The following PCDHA4 variants were observed in gnomAD, a reference collection of about 807,000 sequenced individuals.
PCDHA4 encodes the protein protocadherin alpha 4, also known as protocadherin alpha-4.
PCDHA4 carries 49 observed loss-of-function variants against 61.4 expected under a neutral mutation model. The observed-to-expected ratio is 0.80, with a 90% CI of 0.63 to 1.01. The LOEUF (loss-of-function observed/expected upper bound fraction) is 1.01. PCDHA4 is among the 50% of genes least tolerant of loss of function. The pLI, the probability that PCDHA4 is intolerant of heterozygous loss-of-function variation, is 0.00. For synonymous variants in PCDHA4, 590 were observed against 550.3 expected (o/e 1.07, Z -1.01); for missense variants, 1,254 against 1,235.8 (o/e 1.01, Z -0.22).
At chr5:140,869,920 G>A (rs1554163605) in intron 1 of PCDHA4, 2 of 1,611,398 alleles carry the variant, frequency 1.2e-6, no homozygotes, top group Non-Finnish European at 1.7e-6. Flanking sequence ...AGACGAAGGA[G>A]TCAATGGAGA....
intron 2 of PCDHA4, chr5:140,982,263 C>A: frequency 1.2e-6 from 1 of 858,968 alleles, no homozygotes; most frequent in Non-Finnish European, 1.7e-6. Flanking sequence ...ATGTGTGTTC[C>A]TGGAATAGTA....
At chr5:140,822,914 C>A (rs2150120305) in intron 1 of PCDHA4, 1 of 1,614,246 alleles carries the variant, frequency 6.2e-7, no homozygotes, top group Non-Finnish European at 8.5e-7. Context: ...GACTCAGGTG[C>A]CAACGGGCAG....
rs782007386 is a variant in PCDHA4 at position 140,856,148 on chromosome 5, G to A, written c.2385+46576G>A. 6.9e-6 allele frequency: 11 copies of A among 1,598,220 alleles called. No homozygotes were observed. In the East Asian group the frequency reaches 2.0e-4, roughly 29 times the overall value. ...GGGGAGCGGCCAGCTCCACTACTCA[G>A]TCTACGAGGAGGCCAGACACGGCAC... On this transcript the variant is annotated intron_variant, in intron 1 of 3. Transcript: ENST00000530339.
intron 1 of PCDHA4, among the ~76,000 whole-genome samples, chr5:140,922,137 T>A (rs1235551628): frequency 2.0e-5 from 3 of 151,994 alleles, no homozygotes; most frequent in African/African-American, 7.3e-5. Context: ...TCTCTTATCC[T>A]CCATGAAACT....
intron 3 of PCDHA4, among the ~76,000 whole-genome samples, chr5:140,993,152 C>A (rs932484139): frequency 2.6e-4 from 39 of 152,142 alleles, no homozygotes; most frequent in African/African-American, 9.2e-4. Context: ...TAAATGGATT[C>A]TAAATATTTG....
chr5:140,910,708 A>G (rs1227801513), intron 1 of PCDHA4, among the ~76,000 whole-genome samples: 2 of 152,164 alleles, frequency 1.3e-5, no homozygotes, highest in African/African-American at 4.8e-5. Context: ...ACAGTGGGCC[A>G]TCTTTTAATC....
chr5:140,842,431 C>T (rs2150335989), intron 1 of PCDHA4: 4 of 1,613,646 alleles, frequency 2.5e-6, no homozygotes, highest in Non-Finnish European at 3.4e-6. Context: ...CTGTCATCGC[C>T]CTAATTAGCG....
intron 1 of PCDHA4, among the ~76,000 whole-genome samples, chr5:140,819,386 C>T (rs1766549033): frequency 6.6e-6 from 1 of 152,040 alleles, no homozygotes. Context: ...TTTCTAAAGG[C>T]TTTTAGTGAA....
chr5:140,869,180 T>C (rs782798909), intron 1 of PCDHA4: 1 of 1,613,322 alleles, frequency 6.2e-7, no homozygotes, highest in Admixed American at 1.7e-5. Flanking sequence ...TTCTGGGAGG[T>C]GGGGAGCGGC....
At chr5:140,848,867 G>A in intron 1 of PCDHA4, 1 of 1,590,766 alleles carries the variant, frequency 6.3e-7, no homozygotes, top group Non-Finnish European at 8.6e-7. Context: ...TGGAGGTGAA[G>A]GACATTAACG....
Position 140,849,058 on chromosome 5 carries a change from A to T in PCDHA4, c.2385+39486A>T, listed in dbSNP as rs1222593356. 1.9e-6 allele frequency: 3 copies of T among 1,550,796 alleles called. No homozygotes were observed. In the African/African-American group the frequency reaches 4.5e-5, roughly 23 times the overall value. ...CTGGACGTGCCAACCAGCAACCAGC[A>T]GGTAAAACCTCTTGGACTTGTATTA... On this transcript the variant is annotated intron_variant, in intron 1 of 3. Coordinates refer to ENST00000530339, the MANE Select transcript of PCDHA4 (RefSeq NM_018907.4).
In PCDHA4 at chr5:140,807,109, C is replaced by A; in HGVS notation, c.-79C>A. ...GTCTGAAATATGGAGGATGCAGCTGCACTTGACTGACCGATTAAAAGATTT... is the reference window on the plus strand; with the variant it reads ...GTCTGAAATATGGAGGATGCAGCTGAACTTGACTGACCGATTAAAAGATTT... On this transcript the variant is annotated 5_prime_UTR_variant, in exon 1 of 4. Transcript: ENST00000530339. 2 of 1,483,570 alleles carry A rather than the reference C, an allele frequency of 1.3e-6. No individual in the cohort carries two copies. The highest frequency in any genetic ancestry group is 1.4e-5 in the African/African-American group (1 of 72,022). 91.9% of individuals were successfully genotyped at this position (1,483,570 alleles called of 1,614,324 possible).
intron 3 of PCDHA4, among the ~76,000 whole-genome samples, chr5:141,000,278 G>A (rs574420053): frequency 6.6e-6 from 1 of 151,194 alleles, no homozygotes; most frequent in South Asian, 2.1e-4. Flanking sequence ...GGGAGGCAGA[G>A]GTGGGAATAT....
chr5:140,921,941 A>G (rs1294349868), intron 1 of PCDHA4, among the ~76,000 whole-genome samples: 1 of 152,068 alleles, frequency 6.6e-6, no homozygotes, highest in Non-Finnish European at 1.5e-5. Context: ...ATAATTTTAC[A>G]CTTGTAAAAT....
chr5:140,946,936 A>T (rs1344601116), intron 1 of PCDHA4, among the ~76,000 whole-genome samples: 1 of 151,482 alleles, frequency 6.6e-6, no homozygotes, highest in Non-Finnish European at 1.5e-5. Context: ...AGTAGAGTGT[A>T]GTTAAGAATA....
intron 1 of PCDHA4, among the ~76,000 whole-genome samples, chr5:140,931,177 A>G (rs1288307941): frequency 1.3e-5 from 2 of 152,200 alleles, no homozygotes; most frequent in African/African-American, 4.8e-5. Context: ...ATTTTAGGGA[A>G]GGAAATTGGT....
At chr5:140,885,012 G>A (rs73793512) in intron 1 of PCDHA4, among the ~76,000 whole-genome samples, 2,131 of 152,234 alleles carry the variant, frequency 0.014, 45 homozygotes, top group African/African-American at 0.049. Flanking sequence ...GAGGCTAATC[G>A]TAATCTTAAA....
intron 3 of PCDHA4, among the ~76,000 whole-genome samples, chr5:140,999,049 A>C (rs962383659): frequency 1.3e-5 from 2 of 152,214 alleles, no homozygotes; most frequent in African/African-American, 4.8e-5. Flanking sequence ...TGTGCTTTCC[A>C]CCATGCCTAA....
chr5:140,834,530 G>C, intron 1 of PCDHA4: 1 of 1,614,068 alleles, frequency 6.2e-7, no homozygotes, highest in East Asian at 2.2e-5. Context: ...GCCGCATCGC[G>C]CAGGACCTGG....
Sources: gnomAD v4.1 joint callset for allele counts (sites outside exome capture counted in the v4.1 genomes callset) on GRCh38, gnomAD v4.1.1 for gene constraint, MANE v1.5 for transcripts, NCBI Gene and HGNC (gene_info 2026-07-23, HGNC 2026-07-21) for gene names.